The following COL13A1 variants were observed in gnomAD, a reference collection of about 807,000 sequenced individuals.
The protein encoded by COL13A1 is collagen alpha-1(XIII) chain.
In COL13A1, 89 loss-of-function variants were observed where a neutral mutation model predicts 130.9. The ratio of observed to expected loss-of-function variants is 0.68; its 90% CI spans 0.57 to 0.81. The LOEUF is 0.81. COL13A1 is among the 30% of genes least tolerant of loss of function. The probability of loss-of-function intolerance (pLI) is 0.00; values close to 1 mark genes in which losing one functional copy is unlikely to be tolerated. For missense variants in COL13A1, 879 were observed against 934.6 expected (o/e 0.94, Z 0.78); for synonymous variants, 402 against 341.6 (o/e 1.18, Z -1.95).
chr10:69,887,397 G>A (rs374351233), intron 7 of COL13A1, 59 bp from the exon 8 acceptor site: 9 of 1,558,600 alleles, frequency 5.8e-6, no homozygotes, highest in African/African-American at 1.4e-5. Flanking sequence ...GGAGGCCTAG[G>A]GATTGGCTCT....
chr10:69,904,664 C>A (rs570598740), intron 15 of COL13A1, among the ~76,000 whole-genome samples: 1 of 152,332 alleles, frequency 6.6e-6, no homozygotes, highest in South Asian at 2.1e-4. Flanking sequence ...ATGCTGCTGA[C>A]CTACTTTCCA....
rs2066973667 is a variant in COL13A1, at chr10:69,936,743, A to T, written c.1771-13A>T. The T allele has an allele frequency of 1.2e-6, 2 of 1,613,920 alleles. No homozygotes were observed. The highest frequency in any genetic ancestry group is 1.7e-5 in the Admixed American group (1 of 60,012). ...ATGCAGTTCTAATGCACCTTGCTTT[A>T]TTCCAAATGCAGGGGCTCCAAGGTG... is the stretch of plus-strand genomic sequence containing the variant. On this transcript the variant is annotated splice_polypyrimidine_tract_variant and intron_variant, in intron 32 of 40. Coordinates refer to ENST00000645393, the MANE Select transcript of COL13A1 (RefSeq NM_001368882.1).
At chr10:69,814,909 G>A (rs1844054620) in intron 1 of COL13A1, among the ~76,000 whole-genome samples, 1 of 152,214 alleles carries the variant, frequency 6.6e-6, no homozygotes, top group South Asian at 2.1e-4. Context: ...CACCTAAAGT[G>A]CTTAGCACAG....
chr10:69,889,534 A>G, intron 10 of COL13A1, 94 bp downstream of exon 10: 1 of 1,518,700 alleles, frequency 6.6e-7, no homozygotes, highest in Non-Finnish European at 9.0e-7. Flanking sequence ...TCCCACAGGG[A>G]CAACAGGAAT....
intron 38 of COL13A1, among the ~76,000 whole-genome samples, chr10:69,948,678 T>C (rs1346331541): frequency 1.3e-5 from 2 of 152,218 alleles, no homozygotes; most frequent in Non-Finnish European, 2.9e-5. Flanking sequence ...TATATTCAAT[T>C]AGTATTTTCT....
chr10:69,824,815 G>A (rs1202872023), intron 2 of COL13A1, among the ~76,000 whole-genome samples: 2 of 152,218 alleles, frequency 1.3e-5, no homozygotes, highest in Non-Finnish European at 1.5e-5. Flanking sequence ...CAGAGCCAGT[G>A]GGCAATGCCT....
At chr10:69,892,156 C>G (rs1286377598) in intron 10 of COL13A1, among the ~76,000 whole-genome samples, 1 of 152,226 alleles carries the variant, frequency 6.6e-6, no homozygotes, top group Non-Finnish European at 1.5e-5. Context: ...TCAAATCCAG[C>G]AGGCCACAGA....
intron 10 of COL13A1, among the ~76,000 whole-genome samples, chr10:69,894,310 G>A (rs1163187911): frequency 6.6e-6 from 1 of 152,232 alleles, no homozygotes; most frequent in Non-Finnish European, 1.5e-5. Context: ...GATGCTGGTG[G>A]TTGGAGGAAT....
At chr10:69,935,706 T>C (rs2066741153) in intron 32 of COL13A1, among the ~76,000 whole-genome samples, 1 of 152,126 alleles carries the variant, frequency 6.6e-6, no homozygotes, top group South Asian at 2.1e-4. Flanking sequence ...CCATTCCTCA[T>C]TTGAAAGTGA....
intron 7 of COL13A1, among the ~76,000 whole-genome samples, chr10:69,882,169 C>T (rs960735651): frequency 2.4e-4 from 37 of 152,186 alleles, no homozygotes; most frequent in Middle Eastern, 3.2e-3. Flanking sequence ...GGACTGAGCC[C>T]GGTGTGTTAG....
chr10:69,953,016 G>A, intron 39 of COL13A1, 48 bp downstream of exon 39: 1 of 1,381,802 alleles, frequency 7.2e-7, no homozygotes, highest in Non-Finnish European at 9.6e-7. Flanking sequence ...TGTTCTTGAG[G>A]TTTGTAAGTT....
At chr10:69,920,999 G>C (rs990201506) in intron 21 of COL13A1, among the ~76,000 whole-genome samples, 27 of 152,200 alleles carry the variant, frequency 1.8e-4, no homozygotes, top group African/African-American at 3.9e-4. Context: ...AGTGGAAGAA[G>C]CTGGGTAGGG....
chr10:69,869,895 C>A (rs2058886201), intron 3 of COL13A1, among the ~76,000 whole-genome samples: 1 of 152,182 alleles, frequency 6.6e-6, no homozygotes, highest in African/African-American at 2.4e-5. Context: ...AGCTGCCAGG[C>A]CTTGCTGAAT....
At chr10:69,832,002 C>T (rs544027841) in intron 2 of COL13A1, among the ~76,000 whole-genome samples, 1 of 152,134 alleles carries the variant, frequency 6.6e-6, no homozygotes, top group Non-Finnish European at 1.5e-5. Context: ...ATGGTGATGA[C>T]GACATGAGTG....
intron 2 of COL13A1, among the ~76,000 whole-genome samples, chr10:69,839,523 G>T (rs1197170635): frequency 6.6e-6 from 1 of 152,310 alleles, no homozygotes; most frequent in East Asian, 1.9e-4. Context: ...CTGTGAGAAG[G>T]TGACATCTGA....
At chr10:69,936,887 C>T (rs1398593362) in intron 33 of COL13A1, 105 bp downstream of exon 33, 3 of 1,386,510 alleles carry the variant, frequency 2.2e-6, no homozygotes, top group Non-Finnish European at 2.0e-6. Context: ...TTAGGTGACA[C>T]TCCAGCCAAG....
chr10:69,890,790 T>C (rs1389080352), intron 10 of COL13A1, among the ~76,000 whole-genome samples: 1 of 152,236 alleles, frequency 6.6e-6, no homozygotes. Flanking sequence ...CTAAGCACTT[T>C]GCATGACTGT....
intron 10 of COL13A1, 60 bp from the exon 11 acceptor site, chr10:69,894,492 G>A: frequency 6.2e-7 from 1 of 1,601,676 alleles, no homozygotes; most frequent in Non-Finnish European, 8.5e-7. Flanking sequence ...ACCCAGGCAG[G>A]TGTCCCTGAT....
chr10:69,818,804 T>C (rs1845288450), intron 1 of COL13A1, among the ~76,000 whole-genome samples: 1 of 152,210 alleles, frequency 6.6e-6, no homozygotes, highest in South Asian at 2.1e-4. Flanking sequence ...CCTCAACAGA[T>C]CAGATAATGC....
Sources: allele counts gnomAD v4.1 joint callset (sites outside exome capture counted in the v4.1 genomes callset), GRCh38; gene constraint gnomAD v4.1.1; transcripts MANE v1.5; gene names NCBI Gene and HGNC (gene_info 2026-07-23, HGNC 2026-07-21).